MEF2C: variants seen among roughly 807,000 people sequenced by gnomAD.
MEF2C encodes the protein myocyte enhancer factor 2C.
MEF2C carries 6 observed loss-of-function variants against 50.5 expected under a neutral mutation model. The observed-to-expected ratio is 0.12, with a 90% CI of 0.07 to 0.23. The LOEUF (loss-of-function observed/expected upper bound fraction) is 0.23. MEF2C is among the 10% of genes least tolerant of loss of function. The pLI is 1.00. For missense variants in MEF2C, 276 were observed against 605.0 expected (o/e 0.46, Z 5.70); for synonymous variants, 183 against 228.0 (o/e 0.80, Z 1.78).
intron 6 of MEF2C, chr5:88,744,026 T>C (rs1768143122): frequency 4.1e-6 from 4 of 971,070 alleles, no homozygotes; most frequent in Non-Finnish European, 4.9e-6. Flanking sequence ...TCATTTCTTT[T>C]TTCTCTTTTT....
intron 1 of MEF2C, among the ~76,000 whole-genome samples, chr5:88,892,898 A>G (rs1834744742): frequency 2.0e-5 from 3 of 152,210 alleles, no homozygotes; most frequent in Admixed American, 2.0e-4. Context: ...GTCTATGGCA[A>G]CTGGGTTGGG....
At chr5:88,765,975 C>A (rs1439823399) in intron 3 of MEF2C, among the ~76,000 whole-genome samples, 1 of 152,130 alleles carries the variant, frequency 6.6e-6, no homozygotes, top group Non-Finnish European at 1.5e-5. Flanking sequence ...CACAAGACAG[C>A]GATTGTCATA....
intron 4 of MEF2C, among the ~76,000 whole-genome samples, chr5:88,759,913 C>T (rs1777094800): frequency 6.6e-6 from 1 of 152,236 alleles, no homozygotes; most frequent in Non-Finnish European, 1.5e-5. Context: ...ATTAATTTAT[C>T]TTGTGAGTGC....
At chr5:88,890,821 C>G (rs1459137100) in intron 1 of MEF2C, among the ~76,000 whole-genome samples, 1 of 152,174 alleles carries the variant, frequency 6.6e-6, no homozygotes. Context: ...CACCCAGACA[C>G]CTAATTTTTT....
At chr5:88,893,760 CA>C (rs1561495722) in intron 1 of MEF2C, among the ~76,000 whole-genome samples, 1 of 151,800 alleles carries the variant, frequency 6.6e-6, no homozygotes. Flanking sequence ...TAGGAAGAAA[CA>C]GAATTTTCAC....
chr5:88,806,168 G>A (rs1800362092), intron 2 of MEF2C, among the ~76,000 whole-genome samples: 1 of 151,960 alleles, frequency 6.6e-6, no homozygotes, highest in Non-Finnish European at 1.5e-5. Context: ...CATATTCTGG[G>A]AAAAGCTAAT....
intron 1 of MEF2C, among the ~76,000 whole-genome samples, chr5:88,893,290 T>A (rs1294890229): frequency 6.6e-6 from 1 of 151,360 alleles, no homozygotes; most frequent in East Asian, 1.9e-4. Flanking sequence ...TATTCTATCT[T>A]TCTAGGTATT....
rs542856324 is a variant in MEF2C, at chr5:88,721,085, A to T, written c.*1519T>A. The T allele has an allele frequency of 6.5e-6, 1 of 152,716 alleles. No homozygotes were observed. Among genetic ancestry groups the T allele is most frequent in the East Asian group, 1.9e-4 (1 of 5,190 alleles). 9.5% of individuals were successfully genotyped at this position (152,716 alleles called of 1,614,324 possible). A position where few individuals can be genotyped will look rare whatever the true frequency, so the allele number is the denominator to read the frequency against. ...TTCTGTGGGAATTTATAACTTATTC[A>T]CCAAGTAAATTCCATATCACTTGTT... On this transcript the variant is annotated 3_prime_UTR_variant, in exon 11 of 11. Coordinates refer to ENST00000504921, the MANE Select transcript of MEF2C (RefSeq NM_002397.5).
chr5:88,773,036 TTG>T, intron 3 of MEF2C: 1 of 515,916 alleles, frequency 1.9e-6, no homozygotes, highest in Non-Finnish European at 2.5e-6. Flanking sequence ...GTCACTGGGA[TTG>T]TGGGAACACA....
At chr5:88,807,799 A>ATTTTC (rs1337322909) in intron 2 of MEF2C, among the ~76,000 whole-genome samples, 2 of 152,210 alleles carry the variant, frequency 1.3e-5, no homozygotes, top group African/African-American at 4.8e-5. Flanking sequence ...ATTATGACTG[A>ATTTTC]TAGAAAGATA....
chr5:88,795,643 G>A (rs573203324), intron 3 of MEF2C, among the ~76,000 whole-genome samples: 1 of 152,064 alleles, frequency 6.6e-6, no homozygotes, highest in Non-Finnish European at 1.5e-5. Context: ...TCTTTCTCTT[G>A]CCTGATTGCC....
intron 3 of MEF2C, among the ~76,000 whole-genome samples, chr5:88,774,568 CG>C: frequency 6.6e-6 from 1 of 152,032 alleles, no homozygotes; most frequent in Non-Finnish European, 1.5e-5. Flanking sequence ...GTGATCTGCC[CG>C]CCTCGGCCTC....
At chr5:88,849,290 A>G (rs1820445148) in intron 1 of MEF2C, among the ~76,000 whole-genome samples, 1 of 152,178 alleles carries the variant, frequency 6.6e-6, no homozygotes, top group African/African-American at 2.4e-5. Context: ...CTTAACCCTT[A>G]AAATTCACAT....
intron 1 of MEF2C, among the ~76,000 whole-genome samples, chr5:88,837,024 A>AAAT (rs1554039496): frequency 6.6e-6 from 1 of 150,526 alleles, no homozygotes; most frequent in Non-Finnish European, 1.5e-5. Context: ...AAAAAAAAAA[A>AAAT]GTCAGGAAAT....
In MEF2C at chr5:88,809,143, G is replaced by A. The variant is rs1453404325; in HGVS notation, c.55-4342C>T. Among the ~76,000 whole-genome samples the A allele has an allele frequency of 2.6e-5, 4 of 152,054 alleles. No homozygotes were observed. In the East Asian group the frequency reaches 7.7e-4, roughly 29 times the overall value. On this transcript the variant is annotated intron_variant, in intron 2 of 10. Transcript: ENST00000504921. ...CCCAAATGTGATGATGGTATGTTAA[G>A]TTTTATAGTGGCCCTGACTTTTAAA...
intron 3 of MEF2C, among the ~76,000 whole-genome samples, chr5:88,765,906 ACGT>A (rs918448445): frequency 6.6e-6 from 1 of 152,214 alleles, no homozygotes; most frequent in Non-Finnish European, 1.5e-5. Context: ...TCAGCTTTCC[ACGT>A]CAGAGTGACA....
intron 1 of MEF2C, among the ~76,000 whole-genome samples, chr5:88,859,062 C>G (rs1355604966): frequency 2.6e-5 from 4 of 152,160 alleles, no homozygotes; most frequent in Non-Finnish European, 5.9e-5. Context: ...TTATGGCAAA[C>G]TTGAACTATA....
chr5:88,840,787 T>C (rs1817064047), intron 1 of MEF2C, among the ~76,000 whole-genome samples: 1 of 152,238 alleles, frequency 6.6e-6, no homozygotes, highest in Admixed American at 6.5e-5. Context: ...TAATTCACTA[T>C]TCCTTTAGCT....
intron 5 of MEF2C, chr5:88,751,200 A>G: frequency 1.0e-6 from 1 of 981,790 alleles, no homozygotes; most frequent in Non-Finnish European, 1.2e-6. Context: ...GAATGGATGA[A>G]CTTTTTCTGA....
Sources: allele counts gnomAD v4.1 joint callset (sites outside exome capture counted in the v4.1 genomes callset), GRCh38; gene constraint gnomAD v4.1.1; transcripts MANE v1.5; gene names NCBI Gene and HGNC (gene_info 2026-07-23, HGNC 2026-07-21).